TBC1D23: variants seen among roughly 807,000 people sequenced by gnomAD.
TBC1D23 encodes the protein TBC1 domain family member 23, also known as HCV non-structural protein 4A-transactivated protein 1.
TBC1D23 carries 55 observed loss-of-function variants against 91.4 expected under a neutral mutation model. The observed-to-expected ratio is 0.60, with a 90% CI of 0.48 to 0.75. The LOEUF is 0.75. Among genes scored for constraint, TBC1D23 ranks in the 30% least tolerant of loss-of-function variants. TBC1D23 has a pLI of 0.00. For synonymous variants in TBC1D23, 289 were observed against 281.0 expected, an observed-to-expected ratio of 1.03 and a Z score of -0.28; for missense variants, 725 against 836.1, an observed-to-expected ratio of 0.87 and a Z score of 1.64.
In TBC1D23 at chr3:100,310,488, A is replaced by T; in HGVS notation, c.1499A>T (p.Asn500Ile). The T allele has an allele frequency of 1.2e-6, 2 of 1,613,684 alleles. No homozygotes were observed. Among genetic ancestry groups the T allele is most frequent in the Non-Finnish European group, 1.7e-6 (2 of 1,179,706 alleles). The change falls in exon 14 of 19, where the codon AAT (asparagine) becomes ATT (isoleucine). Residue 500 changes from asparagine to isoleucine, a missense_variant. Coordinates refer to ENST00000394144, the MANE Select transcript of TBC1D23 (RefSeq NM_001199198.3). ...MTVALKTKSV[N>I]VREKVISFIE... ...GTGGCTTTGAAGACAAAATCCGTTA[A>T]TGTCAGGGAAAAAGTTATCAGTTTT...
Position 100,325,203 on chromosome 3 carries a change from A to G in TBC1D23, c.*1535A>G. On this transcript the variant is annotated 3_prime_UTR_variant, in exon 19 of 19. Transcript: ENST00000394144. Reference sequence around the variant, plus strand: ...AAGATGTTTGTGTTACTGTTTATAAATTACAATTGTAAATAAATTACTAGT... The same window carrying G: ...AAGATGTTTGTGTTACTGTTTATAAGTTACAATTGTAAATAAATTACTAGT... The G allele has an allele frequency of 6.6e-6, 1 of 152,176 alleles. No homozygotes were observed. The highest frequency in any genetic ancestry group is 1.9e-4 in the East Asian group (1 of 5,204). 9.4% of individuals were successfully genotyped at this position (152,176 alleles called of 1,614,324 possible).
intron 17 of TBC1D23, among the ~76,000 whole-genome samples, chr3:100,319,478 G>T (rs2148873631): frequency 6.6e-6 from 1 of 152,016 alleles, no homozygotes; most frequent in Non-Finnish European, 1.5e-5. Context: ...GCCCAGGCTG[G>T]AGTGTAGTGG....
intron 1 of TBC1D23, among the ~76,000 whole-genome samples, chr3:100,275,332 G>T (rs1441080542): frequency 6.6e-6 from 1 of 152,094 alleles, no homozygotes; most frequent in African/African-American, 2.4e-5. Flanking sequence ...TGTAGCCCAG[G>T]CTGGAGTGCA....
At chr3:100,282,989 C>G (rs2148855330) in intron 3 of TBC1D23, among the ~76,000 whole-genome samples, 1 of 152,348 alleles carries the variant, frequency 6.6e-6, no homozygotes, top group East Asian at 1.9e-4. Context: ...TTTCCCTTCT[C>G]TCTCAACAGA....
At chr3:100,286,234 T>G (rs774848149) in intron 4 of TBC1D23, among the ~76,000 whole-genome samples, 1 of 152,224 alleles carries the variant, frequency 6.6e-6, no homozygotes, top group Non-Finnish European at 1.5e-5. Context: ...GCACTTCTCA[T>G]GGCCACCTCT....
chr3:100,298,625 G>A (rs1189156528), intron 9 of TBC1D23, among the ~76,000 whole-genome samples: 6 of 152,168 alleles, frequency 3.9e-5, no homozygotes, highest in African/African-American at 9.7e-5. Flanking sequence ...GCCTTTTATG[G>A]TAGATCTTTC....
At chr3:100,303,402 G>C (rs1165170371) in intron 11 of TBC1D23, among the ~76,000 whole-genome samples, 1 of 152,168 alleles carries the variant, frequency 6.6e-6, no homozygotes, top group Non-Finnish European at 1.5e-5. Flanking sequence ...TTAAAGGAAA[G>C]AGTTTAGAAG....
chr3:100,318,569 A>T (rs1338518727), intron 16 of TBC1D23, among the ~76,000 whole-genome samples: 1 of 151,962 alleles, frequency 6.6e-6, no homozygotes, highest in Non-Finnish European at 1.5e-5. Flanking sequence ...TATGAAAGTG[A>T]TGTTTGATAA....
At chr3:100,300,112 A>G (rs971970711) in intron 10 of TBC1D23, among the ~76,000 whole-genome samples, 3 of 152,322 alleles carry the variant, frequency 2.0e-5, no homozygotes, top group East Asian at 1.9e-4. Flanking sequence ...TAAAACTACT[A>G]TCCTAGGTCA....
intron 2 of TBC1D23, among the ~76,000 whole-genome samples, chr3:100,280,145 G>A (rs924541759): frequency 2.0e-5 from 3 of 151,768 alleles, no homozygotes; most frequent in African/African-American, 7.3e-5. Flanking sequence ...CAAGAGAATC[G>A]CTTGAACCCA....
intron 9 of TBC1D23, 80 bp downstream of exon 9, chr3:100,298,125 C>A: frequency 8.0e-7 from 1 of 1,245,504 alleles, no homozygotes; most frequent in Non-Finnish European, 1.1e-6. Flanking sequence ...TTCATTGATT[C>A]CCACAAAATC....
Position 100,320,892 on chromosome 3 carries a change from A to C in TBC1D23, c.1939A>C (p.Lys647Gln), listed in dbSNP as rs1705845386. The C allele has an allele frequency of 1.9e-6, 3 of 1,590,130 alleles. No individual in the cohort carries two copies. The highest frequency in any genetic ancestry group is 1.3e-5 in the African/African-American group (1 of 74,100). Residue 647 changes from lysine to glutamine, a missense_variant, in exon 18 of 19, where the codon AAA becomes CAA. Lys to Gln is a moderately conservative substitution (Grantham distance 53). Coordinates refer to ENST00000394144, the MANE Select transcript of TBC1D23 (RefSeq NM_001199198.3). Reference protein sequence around the residue: ...ALNSVVKITSKKKHPELITFK... With the variant: ...ALNSVVKITSQKKHPELITFK... ...GAATTCTGTAGTTAAAATTACATCCAAAAAAAAACATCCTGAACTCATTAC... is the reference window on the plus strand; with the variant it reads ...GAATTCTGTAGTTAAAATTACATCCCAAAAAAAACATCCTGAACTCATTAC...
At chr3:100,306,373 T>C (rs903038024) in intron 12 of TBC1D23, 64 bp from the exon 13 acceptor site, 48 of 871,178 alleles carry the variant, frequency 5.5e-5, no homozygotes, top group Non-Finnish European at 8.7e-5. Flanking sequence ...ATTTCGTTGG[T>C]AATGAATTTT....
At chr3:100,318,015 T>A (rs1205209885) in intron 16 of TBC1D23, among the ~76,000 whole-genome samples, 1 of 152,048 alleles carries the variant, frequency 6.6e-6, no homozygotes, top group African/African-American at 2.4e-5. Context: ...TTTAGGGATA[T>A]GCATATATGT....
In TBC1D23 at chr3:100,305,089, T is replaced by A. The variant is rs2289509; in HGVS notation, c.1306+201T>A. On this transcript the variant is annotated intron_variant, in intron 12 of 18. Coordinates refer to ENST00000394144, the MANE Select transcript of TBC1D23 (RefSeq NM_001199198.3). ...GCAATTGAAATTGGTGACTATTTGA[T>A]GTAAGACTATTTTAATAGATTTGTT... is the stretch of plus-strand genomic sequence containing the variant. 0.21 allele frequency among the ~76,000 whole-genome samples: 31,898 copies of A among 152,026 alleles called. 4,267 individuals are homozygous for A. The highest frequency in any genetic ancestry group is 0.49 in the East Asian group (2,557 of 5,170).
At chr3:100,296,039 C>G in intron 7 of TBC1D23, 133 bp from the exon 8 acceptor site, 1 of 471,384 alleles carries the variant, frequency 2.1e-6, no homozygotes. Flanking sequence ...CACTTTTCCA[C>G]AAGTCATTGT....
In TBC1D23 at chr3:100,263,746, A is replaced by C. The variant is rs1412293768; in HGVS notation, c.53+2675A>C. On this transcript the variant is annotated intron_variant, in intron 1 of 18. Transcript: ENST00000394144. ...TTTGGAACGGTGAATTGTGTCATAA[A>C]CTGGCGGTAACCAGCTCATAGAGTG... Among the ~76,000 whole-genome samples the C allele has an allele frequency of 2.6e-5, 4 of 152,332 alleles. No individual in the cohort carries two copies. The East Asian group carries it at 7.7e-4, about 29-fold the overall frequency.
At chr3:100,268,418 A>G (rs995970192) in intron 1 of TBC1D23, among the ~76,000 whole-genome samples, 2 of 152,140 alleles carry the variant, frequency 1.3e-5, no homozygotes, top group African/African-American at 2.4e-5. Flanking sequence ...CCCAATATGT[A>G]TTTCTTTGCC....
At chr3:100,306,592 A>T (rs1430279273) in intron 13 of TBC1D23, 49 bp downstream of exon 13, 6 of 1,128,360 alleles carry the variant, frequency 5.3e-6, no homozygotes, top group African/African-American at 3.1e-5. Context: ...AGTTCCCAGA[A>T]AAGGTGATTA....
Sources: allele counts gnomAD v4.1 joint callset (sites outside exome capture counted in the v4.1 genomes callset), GRCh38; gene constraint gnomAD v4.1.1; transcripts MANE v1.5; gene names NCBI Gene and HGNC (gene_info 2026-07-23, HGNC 2026-07-21).